USP8: variants seen among roughly 807,000 people sequenced by gnomAD.
USP8 encodes the protein ubiquitin carboxyl-terminal hydrolase 8.
In USP8, 27 loss-of-function variants were observed where a neutral mutation model predicts 130.0. The ratio of observed to expected loss-of-function variants is 0.21; its 90% CI spans 0.15 to 0.29. The LOEUF is 0.29. Ranked by LOEUF, USP8 falls within the 10% of genes least tolerant of loss-of-function variation. USP8 has a pLI of 1.00. For missense variants in USP8, 1,029 were observed against 1,312.2 expected (o/e 0.78, Z 3.33); for synonymous variants, 392 against 444.1 (o/e 0.88, Z 1.48).
chr15:50,449,832 C>T (rs916770746), intron 4 of USP8, among the ~76,000 whole-genome samples: 6 of 150,488 alleles, frequency 4.0e-5, no homozygotes, highest in South Asian at 2.1e-4. Flanking sequence ...CCTCCTGCCT[C>T]GGCCTCCCAA....
intron 1 of USP8, among the ~76,000 whole-genome samples, chr15:50,433,109 C>T (rs577481296): frequency 2.0e-5 from 3 of 151,998 alleles, no homozygotes; most frequent in Admixed American, 6.6e-5. Flanking sequence ...GGCATGGTGG[C>T]GGGGCGCCTG....
At position 50,481,574 on chromosome 15, in the gene USP8, G is replaced by A; in HGVS notation, c.1312G>A (p.Gly438Arg). ...CCATGAGCAACAATCTCCTCAGAGT[G>A]GAAAAGTTATTCCTGATCGTTCCAC... is the stretch of plus-strand genomic sequence containing the variant. ...TNHEQQSPQS[G>R]KVIPDRSTKP... is the part of the protein sequence containing the mutation. Residue 438 changes from glycine to arginine, a missense_variant, in exon 11 of 20, where the codon GGA (glycine) becomes AGA (arginine). Transcript: ENST00000307179. 6.2e-7 allele frequency: 1 copy of A among 1,614,008 alleles called. No homozygotes were observed. Among genetic ancestry groups the A allele is most frequent in the Middle Eastern group, 1.7e-4 (1 of 6,060 alleles).
rs2141344247 is a variant in USP8 at position 50,505,776 on chromosome 15, TAGTG to T, written c.*6691_*6694del. 1 of 152,312 alleles carries T rather than the reference TAGTG, an allele frequency of 6.6e-6. No homozygotes were observed. Among genetic ancestry groups the T allele is most frequent in the African/African-American group, 2.4e-5 (1 of 41,518 alleles). 9.4% of individuals were successfully genotyped at this position (152,312 alleles called of 1,614,324 possible). ...GAGTTTGAGACCAGCCTGGGCAACA[TAGTG>T]AGACCTGGTCTCTAAAAAAAATAAA... On this transcript the variant is annotated 3_prime_UTR_variant, in exon 20 of 20. Coordinates refer to ENST00000307179, the MANE Select transcript of USP8 (RefSeq NM_005154.5).
chr15:50,466,767 C>G (rs1413174535), intron 7 of USP8: 3 of 243,562 alleles, frequency 1.2e-5, no homozygotes, highest in Admixed American at 9.2e-5. Flanking sequence ...GGAAAAACAC[C>G]CATGGAGCCG....
Position 50,508,488 on chromosome 15 carries a change from T to TA in USP8, c.*9401dup. ...AAAAAAAGGCAGAGAAAGTGGGAGATAGACATTTGTAGTTTTAAATACTTA... is the reference window on the plus strand; with the variant it reads ...AAAAAAAGGCAGAGAAAGTGGGAGATAAGACATTTGTAGTTTTAAATACTTA... On this transcript the variant is annotated 3_prime_UTR_variant, in exon 20 of 20. Transcript: ENST00000307179. 1 of 152,294 alleles carries TA rather than the reference T, an allele frequency of 6.6e-6. No individual in the cohort carries two copies. The highest frequency in any genetic ancestry group is 2.1e-4 in the South Asian group (1 of 4,830). 9.4% of individuals were successfully genotyped at this position (152,294 alleles called of 1,614,324 possible).
chr15:50,487,218 T>TA (rs1362270606), intron 12 of USP8, among the ~76,000 whole-genome samples: 3 of 152,122 alleles, frequency 2.0e-5, no homozygotes, highest in Admixed American at 6.5e-5. Context: ...CACGTTTTAT[T>TA]AAAGTTCTTC....
rs910610330 is a variant in USP8 at position 50,462,261 on chromosome 15, T to C, written c.499-19T>C. ...TGTGTCTATGAAAGTTGAAACTTTT[T>C]TTTTTTCCTATGCAATAGAGCAATG... On this transcript the variant is annotated intron_variant, in intron 5 of 19. Transcript: ENST00000307179. 2.5e-6 allele frequency: 4 copies of C among 1,591,730 alleles called. No individual in the cohort carries two copies. The highest frequency in any genetic ancestry group is 3.4e-6 in the Non-Finnish European group (4 of 1,173,664).
chr15:50,464,522 CTT>C (rs1256543787), intron 6 of USP8, among the ~76,000 whole-genome samples: 3 of 152,130 alleles, frequency 2.0e-5, no homozygotes, highest in African/African-American at 7.2e-5. Context: ...ATTTTTAAGT[CTT>C]TGTAAACAGA....
At chr15:50,483,517 G>A (rs777304980) in intron 11 of USP8, among the ~76,000 whole-genome samples, 6 of 152,190 alleles carry the variant, frequency 3.9e-5, no homozygotes, top group East Asian at 1.9e-4. Flanking sequence ...TCTACGGGCC[G>A]GGCGCGTTGG....
rs1186593531 is a variant in USP8 at position 50,439,182 on chromosome 15, G to C, written c.104+5G>C. On this transcript the variant is annotated splice_donor_5th_base_variant and intron_variant, in intron 2 of 19. Coordinates refer to ENST00000307179, the MANE Select transcript of USP8 (RefSeq NM_005154.5). ...AGAGAAAATAAGCACTAAGAGGTAT[G>C]ATGTATCCTTCGCTAGTTTGATTGA... 2.1e-6 allele frequency: 3 copies of C among 1,456,878 alleles called. No homozygotes were observed. Among genetic ancestry groups the C allele is most frequent in the African/African-American group, 2.9e-5 (2 of 68,038 alleles). 90.2% of individuals were successfully genotyped at this position (1,456,878 alleles called of 1,614,324 possible).
intron 15 of USP8, chr15:50,493,391 A>G: frequency 1.9e-6 from 1 of 519,198 alleles, no homozygotes; most frequent in Non-Finnish European, 3.8e-6. Flanking sequence ...TTTACCTTTC[A>G]AACCATAGTA....
intron 5 of USP8, among the ~76,000 whole-genome samples, chr15:50,459,481 G>T (rs564368346): frequency 6.6e-6 from 1 of 152,178 alleles, no homozygotes; most frequent in Admixed American, 6.6e-5. Context: ...CTACTCGAGA[G>T]GCTAAAGTAG....
chr15:50,428,007 G>A (rs1444871360), intron 1 of USP8, among the ~76,000 whole-genome samples: 3 of 152,016 alleles, frequency 2.0e-5, no homozygotes, highest in South Asian at 2.1e-4. Flanking sequence ...GCAGGCACAC[G>A]CCAGCACACC....
intron 3 of USP8, among the ~76,000 whole-genome samples, chr15:50,447,313 T>G (rs1250542644): frequency 6.6e-6 from 1 of 152,192 alleles, no homozygotes; most frequent in Non-Finnish European, 1.5e-5. Context: ...CTGTCTCTGC[T>G]CACTGCAACC....
chr15:50,449,921 A>G (rs1595919446), intron 4 of USP8, among the ~76,000 whole-genome samples: 5 of 72,850 alleles, frequency 6.9e-5, no homozygotes, highest in African/African-American at 2.2e-4. Flanking sequence ...TCTGAGACGG[A>G]GTCTCACTGT....
In USP8 at chr15:50,481,984, G is replaced by A. The variant is rs563022218; in HGVS notation, c.1722G>A (p.Arg574=). 1.9e-6 allele frequency: 3 copies of A among 1,593,552 alleles called. No homozygotes were observed. Among genetic ancestry groups the A allele is most frequent in the Admixed American group, 1.9e-5 (1 of 53,184 alleles). ...AKKSVEDRGK[R]CPTPEIQKKS... Reference sequence around the variant, plus strand: ...AATCTGTAGAAGATAGGGGGAAAAGGTGTCCAACCCCAGAAATACAGAAAA... The same window carrying A: ...AATCTGTAGAAGATAGGGGGAAAAGATGTCCAACCCCAGAAATACAGAAAA... The change falls in exon 11 of 20, where the codon AGG becomes AGA. Residue 574 remains arginine (R), a synonymous_variant. Coordinates refer to ENST00000307179, the MANE Select transcript of USP8 (RefSeq NM_005154.5).
At chr15:50,449,316 C>A in intron 3 of USP8, 84 bp from the exon 4 acceptor site, 1 of 792,606 alleles carries the variant, frequency 1.3e-6, no homozygotes, top group Non-Finnish European at 1.9e-6. Context: ...TTTATATAAG[C>A]ACCATGATTT....
At chr15:50,436,429 A>G (rs901512009) in intron 1 of USP8, among the ~76,000 whole-genome samples, 3 of 152,064 alleles carry the variant, frequency 2.0e-5, no homozygotes, top group African/African-American at 7.2e-5. Context: ...CTATAGTTTG[A>G]TATCATACTA....
intron 7 of USP8, chr15:50,466,805 ACTCT>A (rs1202059275): frequency 1.2e-5 from 3 of 260,278 alleles, no homozygotes; most frequent in Non-Finnish European, 2.3e-5. Flanking sequence ...AATTCGAATC[ACTCT>A]CTATGAGCCA....
Sources: allele counts gnomAD v4.1 joint callset (sites outside exome capture counted in the v4.1 genomes callset), GRCh38; gene constraint gnomAD v4.1.1; transcripts MANE v1.5; gene names NCBI Gene and HGNC (gene_info 2026-07-23, HGNC 2026-07-21).